The following AOPEP variants were observed in gnomAD, a reference collection of about 807,000 sequenced individuals.
The protein encoded by AOPEP is aminopeptidase O (putative).
In AOPEP, 77 loss-of-function variants were observed where a neutral mutation model predicts 98.1. The observed-to-expected ratio is 0.78, with a 90% CI of 0.65 to 0.95. The LOEUF is 0.95. AOPEP is among the 40% of genes least tolerant of loss of function. AOPEP has a pLI of 0.00. For missense variants in AOPEP, 1,024 were observed against 1,024.7 expected, an observed-to-expected ratio of 1.00 and a Z score of 0.01; for synonymous variants, 346 against 365.3, an observed-to-expected ratio of 0.95 and a Z score of 0.60.
chr9:94,883,171 C>T (rs967254066), intron 5 of AOPEP, among the ~76,000 whole-genome samples: 2 of 152,164 alleles, frequency 1.3e-5, no homozygotes, highest in African/African-American at 2.4e-5. Flanking sequence ...GCAGGTGCCC[C>T]GCTTCGTTGC....
At chr9:95,121,858 A>G in the AOPEP span, among the ~76,000 whole-genome samples, 8 of 138,152 alleles carry the variant, frequency 5.8e-5, no homozygotes, top group African/African-American at 2.1e-4. Flanking sequence ...CATAAAATTC[A>G]TTTTTTTTTT....
Position 94,759,745 on chromosome 9 carries a change from C to A in AOPEP, c.-39C>A. On this transcript the variant is annotated 5_prime_UTR_variant, in exon 2 of 17. The change creates a new upstream start codon in the 5' untranslated region. Coordinates refer to ENST00000375315, the MANE Select transcript of AOPEP (RefSeq NM_001193329.3). ...GATTAAGGCAGATAGGAAACCCCAT[C>A]TGAGATTTTAATAAATCCCTCAAAC... 6.6e-7 allele frequency: 1 copy of A among 1,523,654 alleles called. No individual in the cohort carries two copies. The highest frequency in any genetic ancestry group is 8.9e-7 in the Non-Finnish European group (1 of 1,119,204). 94.4% of individuals were successfully genotyped at this position (1,523,654 alleles called of 1,614,324 possible).
intron 4 of AOPEP, among the ~76,000 whole-genome samples, chr9:94,800,422 G>A (rs1365992857): frequency 6.6e-6 from 1 of 152,118 alleles, no homozygotes; most frequent in Non-Finnish European, 1.5e-5. Flanking sequence ...ATCTAACCGA[G>A]GGCAGGAATT....
the AOPEP span, among the ~76,000 whole-genome samples, chr9:95,106,145 C>CT: frequency 6.6e-6 from 1 of 152,124 alleles, no homozygotes; most frequent in Non-Finnish European, 1.5e-5. Flanking sequence ...TCTCTCCTTG[C>CT]TGACAGCCAT....
rs1380683832 is a variant in AOPEP, at chr9:94,967,704, G to GCCTCT, written c.1873-54_1873-53insCCTCT. 30 of 1,498,376 alleles carry GCCTCT rather than the reference G, an allele frequency of 2.0e-5. No individual in the cohort carries two copies. The Admixed American group carries it at 2.7e-4, about 13-fold the overall frequency. The allele number at this position is 1,498,376 out of a possible 1,614,324, so 92.8% of individuals were successfully genotyped here. A position where few individuals can be genotyped will look rare whatever the true frequency, so the allele number is the denominator to read the frequency against. ...GCACTCAGCCTCTGGCATGGTTCCA[G>GCCTCT]GCAGAGTTATTTATTGATGGACATC... On this transcript the variant is annotated intron_variant, in intron 9 of 16. Transcript: ENST00000375315.
intron 2 of AOPEP, 38 bp downstream of exon 2, chr9:94,760,618 A>G: frequency 6.8e-7 from 1 of 1,476,670 alleles, no homozygotes; most frequent in Non-Finnish European, 9.1e-7. Flanking sequence ...TGTGCCTGTT[A>G]ATCTTGTACG....
chr9:94,875,347 G>GAAA (rs71366265), intron 5 of AOPEP, among the ~76,000 whole-genome samples: 2,867 of 70,788 alleles, frequency 0.041, no homozygotes, highest in Middle Eastern at 0.071. Context: ...AATTGAGCAA[G>GAAA]AAAAAAAAAA....
At chr9:94,997,498 A>T (rs976236214) in intron 11 of AOPEP, among the ~76,000 whole-genome samples, 3 of 152,182 alleles carry the variant, frequency 2.0e-5, no homozygotes, top group African/African-American at 7.2e-5. Context: ...TCTCAATGCT[A>T]CCTGCACATT....
intron 13 of AOPEP, among the ~76,000 whole-genome samples, chr9:95,011,066 A>AT (rs1257531591): frequency 3.3e-5 from 5 of 152,068 alleles, no homozygotes; most frequent in Non-Finnish European, 5.9e-5. Flanking sequence ...TTTGCTATAT[A>AT]TTTTTTTAAG....
At chr9:95,010,335 T>G (rs1050009119) in intron 13 of AOPEP, among the ~76,000 whole-genome samples, 11 of 152,352 alleles carry the variant, frequency 7.2e-5, no homozygotes, top group Admixed American at 2.0e-4. Context: ...ATTTGGCTCT[T>G]TCTTGGACCC....
At chr9:95,010,900 C>T (rs954232734) in intron 13 of AOPEP, among the ~76,000 whole-genome samples, 14 of 152,264 alleles carry the variant, frequency 9.2e-5, no homozygotes, top group Admixed American at 4.6e-4. Flanking sequence ...ATACGCAATT[C>T]GTTACTTTAT....
At chr9:95,078,727 G>A (rs1169226832) in intron 14 of AOPEP, among the ~76,000 whole-genome samples, 1 of 152,226 alleles carries the variant, frequency 6.6e-6, no homozygotes, top group South Asian at 2.1e-4. Flanking sequence ...CACAAAGCTC[G>A]CAGCAGATGA....
chr9:94,910,763 C>G (rs1348396522), intron 5 of AOPEP, among the ~76,000 whole-genome samples: 1 of 152,094 alleles, frequency 6.6e-6, no homozygotes, highest in Non-Finnish European at 1.5e-5. Flanking sequence ...CAGTTCCTAA[C>G]ACATCTGCAG....
chr9:95,085,989 G>A (rs371937115), intron 16 of AOPEP: 52 of 1,362,962 alleles, frequency 3.8e-5, no homozygotes, highest in Middle Eastern at 2.4e-4. Context: ...CAGCTGAGGC[G>A]CTGCTTCTCC....
chr9:95,047,204 G>A (rs1453712415), intron 13 of AOPEP, among the ~76,000 whole-genome samples: 1 of 152,170 alleles, frequency 6.6e-6, no homozygotes, highest in Non-Finnish European at 1.5e-5. Context: ...ATTTAAATCT[G>A]TTTTTGAAAA....
chr9:94,846,063 C>G (rs995933016), intron 5 of AOPEP, among the ~76,000 whole-genome samples: 1 of 151,106 alleles, frequency 6.6e-6, no homozygotes, highest in East Asian at 1.9e-4. Context: ...CCATTGCACT[C>G]CAGCCTGGGC....
chr9:95,098,421 G>A, the AOPEP span, among the ~76,000 whole-genome samples: 2 of 152,202 alleles, frequency 1.3e-5, no homozygotes, highest in African/African-American at 4.8e-5. Context: ...AACAAACCAC[G>A]AAACCCTGCC....
the AOPEP span, among the ~76,000 whole-genome samples, chr9:95,120,854 G>T: frequency 6.6e-6 from 1 of 152,226 alleles, no homozygotes; most frequent in African/African-American, 2.4e-5. Context: ...TTTGACATTG[G>T]TTTTCTTTTT....
At chr9:95,007,634 G>A (rs920744761) in intron 13 of AOPEP, among the ~76,000 whole-genome samples, 3 of 152,152 alleles carry the variant, frequency 2.0e-5, no homozygotes, top group East Asian at 1.9e-4. Flanking sequence ...GGTGAGGAAG[G>A]GCTAGAAGAT....
Sources: gnomAD v4.1 joint callset for allele counts (sites outside exome capture counted in the v4.1 genomes callset) on GRCh38, gnomAD v4.1.1 for gene constraint, MANE v1.5 for transcripts, NCBI Gene and HGNC (gene_info 2026-07-23, HGNC 2026-07-21) for gene names.